Variants in C6 observed in about 807,000 individuals in gnomAD.
The protein encoded by C6 is complement component C6.
In C6, 101 loss-of-function variants were observed where a neutral mutation model predicts 112.9. The ratio of observed to expected loss-of-function variants is 0.89; its 90% CI spans 0.76 to 1.06. The LOEUF (loss-of-function observed/expected upper bound fraction) is 1.06, where lower values mean the gene tolerates loss of function less well. Ranked by LOEUF, C6 falls within the 50% of genes least tolerant of loss-of-function variation. The pLI is 0.00. For missense variants in C6, 1,202 were observed against 1,104.6 expected, an observed-to-expected ratio of 1.09 and a Z score of -1.25; for synonymous variants, 431 against 384.1, an observed-to-expected ratio of 1.12 and a Z score of -1.43.
chr5:41,178,388 A>G (rs1246325864), intron 7 of C6, among the ~76,000 whole-genome samples: 1 of 151,974 alleles, frequency 6.6e-6, no homozygotes, highest in African/African-American at 2.4e-5. Flanking sequence ...ATTGATTTTC[A>G]ATTTTGTGGT....
In C6 at chr5:41,218,924, A is replaced by G. The variant is rs1172577885; in HGVS notation, c.-20-15674T>C. On this transcript the variant is annotated intron_variant, in intron 1 of 17. Transcript: ENST00000263413. ...GCTGCACTTCCTTCTCTTGTGTTTC[A>G]TAAGGCCCACCTTTTCCTTCTAGTA... Among the ~76,000 whole-genome samples, 3 of 152,202 alleles carry G rather than the reference A, an allele frequency of 2.0e-5. 1 individual carries two copies. In the East Asian group the frequency reaches 5.8e-4, roughly 29 times the overall value.
At chr5:41,219,107 T>C (rs1190123385) in intron 1 of C6, among the ~76,000 whole-genome samples, 1 of 152,220 alleles carries the variant, frequency 6.6e-6, no homozygotes, top group Non-Finnish European at 1.5e-5. Context: ...TCCAGTTTAT[T>C]CAAGCCATGT....
chr5:41,244,113 T>C (rs949872112), intron 1 of C6, among the ~76,000 whole-genome samples: 9 of 152,216 alleles, frequency 5.9e-5, no homozygotes, highest in Non-Finnish European at 1.0e-4. Flanking sequence ...GTCACAACTA[T>C]AGAAAAAGAT....
upstream of C6, among the ~76,000 whole-genome samples, chr5:41,213,969 A>T (rs945610071): frequency 6.6e-6 from 1 of 152,178 alleles, no homozygotes; most frequent in Non-Finnish European, 1.5e-5. Context: ...GCAAAACCAA[A>T]CAGAAAATTT....
intron 1 of C6, among the ~76,000 whole-genome samples, chr5:41,237,086 T>G (rs1740368239): frequency 7.3e-6 from 1 of 136,976 alleles, no homozygotes; most frequent in Non-Finnish European, 1.6e-5. Flanking sequence ...CAATAATCAA[T>G]AGTTTACCAA....
At chr5:41,160,490 G>A in intron 10 of C6, 123 bp from the exon 11 acceptor site, 1 of 765,716 alleles carries the variant, frequency 1.3e-6, no homozygotes, top group Non-Finnish European at 2.3e-6. Flanking sequence ...AGGGATTATT[G>A]CAGAATATAG....
At chr5:41,201,435 A>T in intron 3 of C6, 123 bp downstream of exon 3, 3 of 963,386 alleles carry the variant, frequency 3.1e-6, no homozygotes, top group Non-Finnish European at 4.9e-6. Flanking sequence ...CCCTCAATGG[A>T]AGCTGAGACA....
intron 1 of C6, among the ~76,000 whole-genome samples, chr5:41,258,970 A>G (rs1741881335): frequency 6.6e-6 from 1 of 152,198 alleles, no homozygotes; most frequent in Non-Finnish European, 1.5e-5. Flanking sequence ...GAGGATTACA[A>G]TTCAAGGTGA....
At chr5:41,233,793 T>A (rs1740056217) in intron 1 of C6, among the ~76,000 whole-genome samples, 1 of 152,098 alleles carries the variant, frequency 6.6e-6, no homozygotes, top group African/African-American at 2.4e-5. Flanking sequence ...TGAGACCTGA[T>A]CATTTGCTCT....
intron 3 of C6, among the ~76,000 whole-genome samples, chr5:41,201,231 A>G (rs111760527): frequency 9.9e-5 from 15 of 152,192 alleles, no homozygotes; most frequent in African/African-American, 3.1e-4. Flanking sequence ...TGATACCAAC[A>G]TTTTGGATAA....
intron 1 of C6, among the ~76,000 whole-genome samples, chr5:41,221,256 C>A (rs907848949): frequency 1.3e-5 from 2 of 152,048 alleles, no homozygotes; most frequent in Non-Finnish European, 2.9e-5. Context: ...TTCATGAAAA[C>A]TCTACAATAC....
At chr5:41,154,741 A>G (rs1034126452) in intron 14 of C6, among the ~76,000 whole-genome samples, 1 of 152,180 alleles carries the variant, frequency 6.6e-6, no homozygotes, top group African/African-American at 2.4e-5. Context: ...TCACAGTCCT[A>G]TGTGTGTGAC....
intron 1 of C6, among the ~76,000 whole-genome samples, chr5:41,251,284 C>T (rs1741344519): frequency 6.6e-6 from 1 of 152,100 alleles, no homozygotes; most frequent in South Asian, 2.1e-4. Context: ...AAATAAACAA[C>T]AAGCAGGCTG....
At position 41,200,891 on chromosome 5, in the gene C6, G is replaced by GTTGTTTTTTT. The variant is rs1447605950; in HGVS notation, c.300+666_300+667insAAAAAAACAA. Among the ~76,000 whole-genome samples, 17 of 70,672 alleles carry GTTGTTTTTTT rather than the reference G, an allele frequency of 2.4e-4. 1 individual carries two copies. The highest frequency in any genetic ancestry group is 1.7e-4 in the Admixed American group (1 of 5,750). The allele number at this position is 70,672 out of a possible 152,430, so 46.4% of individuals were successfully genotyped here. On this transcript the variant is annotated intron_variant, in intron 3 of 17. Transcript: ENST00000337836. ...TGTTTTTGTTGTTGTTGTTGTTGTT[G>GTTGTTTTTTT]TTTTTTTTTTTTTTTTTTTTTTTTT...
chr5:41,242,594 G>A (rs950840273), intron 1 of C6, among the ~76,000 whole-genome samples: 5 of 152,166 alleles, frequency 3.3e-5, no homozygotes, highest in East Asian at 1.9e-4. Flanking sequence ...ATTATATGGA[G>A]AATGTTTTCT....
chr5:41,253,573 A>G (rs1741497199), intron 1 of C6, among the ~76,000 whole-genome samples: 1 of 152,126 alleles, frequency 6.6e-6, no homozygotes, highest in Non-Finnish European at 1.5e-5. Context: ...TGTAGGACCC[A>G]CCTAATTTGT....
At chr5:41,243,164 A>G (rs1005274772) in intron 1 of C6, among the ~76,000 whole-genome samples, 2 of 152,242 alleles carry the variant, frequency 1.3e-5, no homozygotes, top group African/African-American at 4.8e-5. Context: ...CTCATCACAA[A>G]AAAAGTTAAC....
In C6 at chr5:41,213,463, T is replaced by C; in HGVS notation, c.-108A>G. On this transcript the variant is annotated 5_prime_UTR_variant, in exon 1 of 18. Coordinates refer to ENST00000337836, the MANE Select transcript of C6 (RefSeq NM_000065.5). ...ATGCAGAATGAAGAGGGTATATATG[T>C]TAATCCAAACAAAGCTTCTTTTCTT... is the stretch of plus-strand genomic sequence containing the variant. 2 of 985,378 alleles carry C rather than the reference T, an allele frequency of 2.0e-6. No homozygotes were observed. Among genetic ancestry groups the C allele is most frequent in the Non-Finnish European group, 2.4e-6 (2 of 829,902 alleles). The allele number at this position is 985,378 out of a possible 1,614,324, so 61.0% of individuals were successfully genotyped here.
upstream of C6, chr5:41,213,556 A>C: frequency 1.0e-6 from 1 of 985,354 alleles, no homozygotes; most frequent in Non-Finnish European, 1.2e-6. Flanking sequence ...GGGTTGTCAA[A>C]ATAAATGTTC....
Sources: gnomAD v4.1 joint callset for allele counts (sites outside exome capture counted in the v4.1 genomes callset) on GRCh38, gnomAD v4.1.1 for gene constraint, MANE v1.5 for transcripts, NCBI Gene and HGNC (gene_info 2026-07-23, HGNC 2026-07-21) for gene names.